ERICH1: variants seen among roughly 807,000 people sequenced by gnomAD.
ERICH1 encodes the protein glutamate-rich protein 1.
In ERICH1, 56 loss-of-function variants were observed where a neutral mutation model predicts 39.6. That is an observed-to-expected ratio of 1.41 (90% CI 1.14 to 1.77). The LOEUF (loss-of-function observed/expected upper bound fraction) is 1.77. Among genes scored for constraint, ERICH1 ranks in the 40% most tolerant of loss-of-function variants. The pLI, the probability that ERICH1 is intolerant of heterozygous loss-of-function variation, is 0.00. For missense variants in ERICH1, 826 were observed against 575.4 expected, an observed-to-expected ratio of 1.44 and a Z score of -4.45; for synonymous variants, 313 against 223.6, an observed-to-expected ratio of 1.40 and a Z score of -3.57.
At chr8:716,189 G>A (rs1255750180) in intron 1 of ERICH1, among the ~76,000 whole-genome samples, 182 bp from the exon 2 acceptor site, 1 of 152,226 alleles carries the variant, frequency 6.6e-6, no homozygotes, top group East Asian at 1.9e-4. Context: ...TCTGCCCGCA[G>A]AGGAACCCTT....
intron 2 of ERICH1, among the ~76,000 whole-genome samples, chr8:700,273 GCGCACAGACC>G (rs1268093892): frequency 1.1e-5 from 1 of 87,008 alleles, no homozygotes; most frequent in Non-Finnish European, 2.4e-5. Context: ...GCCCGCACAG[GCGCACAGACC>G]CGCACAGGCC....
At chr8:627,250 A>C (rs968652289) in intron 3 of ERICH1, 11 of 456,010 alleles carry the variant, frequency 2.4e-5, no homozygotes, top group African/African-American at 2.2e-4. Flanking sequence ...TGGAAGTTGG[A>C]GATAAGAACA....
intron 2 of ERICH1, among the ~76,000 whole-genome samples, chr8:710,874 G>A (rs765531642): frequency 1.3e-5 from 2 of 152,172 alleles, no homozygotes; most frequent in Non-Finnish European, 2.9e-5. Context: ...CATCTATTTG[G>A]ATAAATGTCA....
At chr8:615,626 TG>T (rs1356463117) in intron 3 of ERICH1, 1 of 206,730 alleles carries the variant, frequency 4.8e-6, no homozygotes, top group Non-Finnish European at 9.6e-6. Flanking sequence ...GAGGCGTGTC[TG>T]ACCCTTCACC....
chr8:692,477 C>T lies in ERICH1; in HGVS notation c.304+1G>A. On this transcript the variant is annotated splice_donor_variant, in intron 3 of 5. Coordinates refer to ENST00000262109, the MANE Select transcript of ERICH1 (RefSeq NM_207332.3). LOFTEE classifies it high-confidence loss of function. ...ACCTTTCCTCCCACCCAGCATTTTA[C>T]CTTCTGTGTCATCCCCGCTGGAGGC... The T allele has an allele frequency of 5.0e-6, 8 of 1,614,110 alleles. No individual in the cohort carries two copies. Among genetic ancestry groups the T allele is most frequent in the Non-Finnish European group, 6.8e-6 (8 of 1,180,004 alleles).
chr8:629,476 C>T (rs866008585), intron 3 of ERICH1, among the ~76,000 whole-genome samples: 15 of 141,220 alleles, frequency 1.1e-4, no homozygotes, highest in Admixed American at 9.8e-4. Flanking sequence ...ACCACCCACA[C>T]AGACAGAGCT....
At chr8:716,216 C>A (rs989368353) in intron 1 of ERICH1, among the ~76,000 whole-genome samples, 6 of 152,232 alleles carry the variant, frequency 3.9e-5, no homozygotes, top group African/African-American at 9.6e-5. Context: ...GGCCCGAGGA[C>A]CCCCCACCAT....
intron 3 of ERICH1, among the ~76,000 whole-genome samples, chr8:638,811 G>A (rs1482526278): frequency 1.3e-5 from 2 of 151,946 alleles, no homozygotes; most frequent in Admixed American, 6.5e-5. Flanking sequence ...TTTTGACCCC[G>A]GCCTGTCGTC....
At chr8:651,613 T>C (rs1329935667) in intron 3 of ERICH1, among the ~76,000 whole-genome samples, 3 of 149,340 alleles carry the variant, frequency 2.0e-5, no homozygotes, top group African/African-American at 7.4e-5. Flanking sequence ...GGGAAACAGG[T>C]AAGCCAGAGA....
At chr8:715,752 C>G in intron 2 of ERICH1, 109 bp downstream of exon 2, 1 of 1,448,656 alleles carries the variant, frequency 6.9e-7, no homozygotes, top group Non-Finnish European at 9.4e-7. Flanking sequence ...CCTCTGCAGA[C>G]CTGCAGACAG....
At chr8:632,824 A>G (rs1798126732) in intron 3 of ERICH1, among the ~76,000 whole-genome samples, 2 of 152,298 alleles carry the variant, frequency 1.3e-5, no homozygotes, top group South Asian at 4.1e-4. Context: ...GTGTGGAGTC[A>G]TTTCTGGTTT....
chr8:638,482 G>T (rs1314090827), intron 3 of ERICH1, among the ~76,000 whole-genome samples: 3 of 152,188 alleles, frequency 2.0e-5, no homozygotes, highest in Admixed American at 1.3e-4. Context: ...GAAGGTTCGT[G>T]GGTTCAAAAC....
chr8:707,496 C>T (rs764757315), intron 2 of ERICH1, among the ~76,000 whole-genome samples: 28 of 152,082 alleles, frequency 1.8e-4, no homozygotes, highest in African/African-American at 3.9e-4. Flanking sequence ...TGTGAGCCAC[C>T]GCACCTGGCT....
intron 2 of ERICH1, among the ~76,000 whole-genome samples, chr8:706,052 C>G (rs7827833): frequency 0.25 from 37,882 of 152,170 alleles, 5,114 homozygotes; most frequent in Non-Finnish European, 0.3. Context: ...TTGCCACTGT[C>G]TTCAGCACAG....
At chr8:618,075 G>C (rs1202960374) in intron 3 of ERICH1, among the ~76,000 whole-genome samples, 1 of 149,262 alleles carries the variant, frequency 6.7e-6, no homozygotes, top group East Asian at 2.0e-4. Flanking sequence ...ACTGTCCTCT[G>C]AGTGATTGGT....
intron 3 of ERICH1, among the ~76,000 whole-genome samples, chr8:622,460 T>C (rs1797342596): frequency 6.6e-6 from 1 of 152,150 alleles, no homozygotes; most frequent in Admixed American, 6.5e-5. Context: ...GAAGACACCA[T>C]ATCTATGAAG....
intron 2 of ERICH1, among the ~76,000 whole-genome samples, chr8:700,508 CCGCACAGG>C (rs1332472060): frequency 3.8e-4 from 52 of 136,748 alleles, no homozygotes; most frequent in African/African-American, 1.3e-3. Context: ...GCGCACAGGC[CCGCACAGG>C]CGCACAGGCC....
At chr8:623,371 G>C (rs1383922336) in intron 3 of ERICH1, among the ~76,000 whole-genome samples, 2 of 152,168 alleles carry the variant, frequency 1.3e-5, no homozygotes, top group African/African-American at 4.8e-5. Context: ...CAACAAACTA[G>C]AAATCGAAGG....
At position 728,835 on chromosome 8, in the gene ERICH1, T is replaced by C. The variant is rs376147262; in HGVS notation, c.22+2305A>G. 7.2e-5 allele frequency among the ~76,000 whole-genome samples: 11 copies of C among 152,330 alleles called. No individual in the cohort carries two copies. In the East Asian group the frequency reaches 1.9e-3, roughly 27 times the overall value. The stretch of plus-strand genomic sequence containing the variant: ...CTTCAAAGGCAATACATTCTTCTCA[T>C]TAATCCTGCAGAGTTTTGCTACACA... On this transcript the variant is annotated intron_variant, in intron 1 of 5. Transcript: ENST00000262109.
Sources: gnomAD v4.1 joint callset for allele counts (sites outside exome capture counted in the v4.1 genomes callset) on GRCh38, gnomAD v4.1.1 for gene constraint, MANE v1.5 for transcripts, NCBI Gene and HGNC (gene_info 2026-07-23, HGNC 2026-07-21) for gene names.